CGGBP1: variants seen among roughly 807,000 people sequenced by gnomAD.
The protein encoded by CGGBP1 is CGG triplet repeat-binding protein 1.
CGGBP1 carries 4 observed loss-of-function variants against 11.4 expected under a neutral mutation model. The observed-to-expected ratio is 0.35, with a 90% CI of 0.17 to 0.80. The LOEUF (loss-of-function observed/expected upper bound fraction) is 0.80. CGGBP1 is among the 30% of genes least tolerant of loss of function. CGGBP1 has a pLI of 0.52. For missense variants in CGGBP1, 135 were observed against 202.1 expected, an observed-to-expected ratio of 0.67 and a Z score of 2.01; for synonymous variants, 76 against 74.1, an observed-to-expected ratio of 1.03 and a Z score of -0.13.
chr3:88,074,180 A>G (rs1174697328), intron 2 of CGGBP1, among the ~76,000 whole-genome samples: 1 of 152,118 alleles, frequency 6.6e-6, no homozygotes, highest in Non-Finnish European at 1.5e-5. Context: ...CCCCTTCTAG[A>G]GTATTACTTA....
chr3:88,066,213 C>T (rs1707189940), intron 2 of CGGBP1, among the ~76,000 whole-genome samples: 1 of 152,134 alleles, frequency 6.6e-6, no homozygotes, highest in African/African-American at 2.4e-5. Context: ...CTTTTTTATA[C>T]ACAGTCTTTC....
intron 1 of CGGBP1, chr3:88,142,360 G>A (rs777811905): frequency 6.6e-6 from 1 of 152,080 alleles, no homozygotes; most frequent in South Asian, 2.1e-4. Context: ...CACTTTTGTG[G>A]TACAAATTAG....
chr3:88,065,643 T>C (rs1165453309), intron 2 of CGGBP1, among the ~76,000 whole-genome samples: 1 of 152,160 alleles, frequency 6.6e-6, no homozygotes, highest in Non-Finnish European at 1.5e-5. Flanking sequence ...TTTTTAAAAA[T>C]TAAACCTACT....
At chr3:88,121,569 A>G (rs1705770002) in intron 2 of CGGBP1, among the ~76,000 whole-genome samples, 2 of 152,186 alleles carry the variant, frequency 1.3e-5, no homozygotes, top group African/African-American at 2.4e-5. Context: ...GGAACCTATC[A>G]TAAAAAAAGA....
intron 2 of CGGBP1, among the ~76,000 whole-genome samples, chr3:88,077,549 T>A (rs1226788094): frequency 1.3e-5 from 2 of 152,016 alleles, no homozygotes; most frequent in African/African-American, 4.8e-5. Flanking sequence ...GTATGGGGAA[T>A]CATTGTTCTT....
At chr3:88,098,860 CA>C (rs1000994197) in intron 2 of CGGBP1, among the ~76,000 whole-genome samples, 4 of 152,272 alleles carry the variant, frequency 2.6e-5, no homozygotes, top group African/African-American at 9.6e-5. Context: ...CTATCTATGA[CA>C]AACCCACAGC....
At chr3:88,084,111 G>T (rs551207081) in intron 2 of CGGBP1, among the ~76,000 whole-genome samples, 2 of 152,272 alleles carry the variant, frequency 1.3e-5, no homozygotes, top group East Asian at 3.9e-4. Flanking sequence ...CAAACCTAAT[G>T]GAGGTGTTGC....
At chr3:88,083,183 C>A (rs543715962) in intron 2 of CGGBP1, among the ~76,000 whole-genome samples, 1 of 152,054 alleles carries the variant, frequency 6.6e-6, no homozygotes, top group African/African-American at 2.4e-5. Flanking sequence ...ACAGTCCCAT[C>A]GGGGGGTTAG....
intron 2 of CGGBP1, chr3:88,138,611 CTTTCAT>C: frequency 1.4e-6 from 1 of 714,792 alleles, no homozygotes; most frequent in Non-Finnish European, 1.9e-6. Flanking sequence ...GTTTATTCAG[CTTTCAT>C]TTTAAGAGTT....
intron 2 of CGGBP1, among the ~76,000 whole-genome samples, chr3:88,111,089 A>G (rs1705064388): frequency 6.6e-6 from 1 of 152,018 alleles, no homozygotes; most frequent in Non-Finnish European, 1.5e-5. Flanking sequence ...GCTGTGTTGA[A>G]CATGGATTTT....
chr3:88,101,877 TTTG>T (rs1476319059), intron 2 of CGGBP1, among the ~76,000 whole-genome samples: 1 of 152,196 alleles, frequency 6.6e-6, no homozygotes, highest in Admixed American at 6.5e-5. Context: ...AGTATGTCAT[TTTG>T]TTTTTAATTT....
At chr3:88,135,924 C>T (rs1370695429) in intron 2 of CGGBP1, among the ~76,000 whole-genome samples, 1 of 152,046 alleles carries the variant, frequency 6.6e-6, no homozygotes, top group East Asian at 1.9e-4. Flanking sequence ...TTAAATAATA[C>T]ATTTTAATTT....
chr3:88,076,988 A>G (rs1427982266), intron 2 of CGGBP1, among the ~76,000 whole-genome samples: 1 of 152,164 alleles, frequency 6.6e-6, no homozygotes, highest in Non-Finnish European at 1.5e-5. Flanking sequence ...AGAGACTCTT[A>G]TTAGTATTGT....
chr3:88,145,512 A>T (rs1262502905), intron 1 of CGGBP1, among the ~76,000 whole-genome samples: 4 of 152,086 alleles, frequency 2.6e-5, no homozygotes, highest in Non-Finnish European at 5.9e-5. Context: ...GGACAAAGTT[A>T]TTGGGGTTTA....
intron 2 of CGGBP1, among the ~76,000 whole-genome samples, chr3:88,120,980 T>C (rs1380766556): frequency 6.6e-6 from 1 of 152,070 alleles, no homozygotes; most frequent in Non-Finnish European, 1.5e-5. Flanking sequence ...AAGTACCTAA[T>C]GCATGTGGTG....
chr3:88,106,646 T>A lies in CGGBP1; in HGVS notation c.-229+34324A>T, dbSNP rs554501095. Among the ~76,000 whole-genome samples, 5 of 152,322 alleles carry A rather than the reference T, an allele frequency of 3.3e-5. No homozygotes were observed. The East Asian group carries it at 9.7e-4, about 29-fold the overall frequency. On this transcript the variant is annotated intron_variant, in intron 2 of 3. Coordinates refer to the CGGBP1 transcript ENST00000462901. ...GTGTGAGCCACTGGCCTCGGCCCTT[T>A]TTTTCATTTATCTTTTGCTTTGCAT...
upstream of CGGBP1, chr3:88,059,269 C>G: frequency 1.3e-6 from 2 of 1,525,792 alleles, no homozygotes; most frequent in East Asian, 4.9e-5. Context: ...TAGGCATCTA[C>G]GGCGGCGGCG....
At chr3:88,129,922 C>A in intron 2 of CGGBP1, 1 of 1,137,514 alleles carries the variant, frequency 8.8e-7, no homozygotes, top group Non-Finnish European at 1.1e-6. Flanking sequence ...ATGAAAATGT[C>A]AAGCTACTTT....
intron 2 of CGGBP1, among the ~76,000 whole-genome samples, chr3:88,085,013 G>T (rs1708262871): frequency 6.6e-6 from 1 of 152,324 alleles, no homozygotes; most frequent in East Asian, 1.9e-4. Context: ...GAGGGAGACA[G>T]CATCTCTGTT....
Sources: gnomAD v4.1 joint callset for allele counts (sites outside exome capture counted in the v4.1 genomes callset) on GRCh38, gnomAD v4.1.1 for gene constraint, MANE v1.5 for transcripts, NCBI Gene and HGNC (gene_info 2026-07-23, HGNC 2026-07-21) for gene names.